Variants in GBF1 observed in about 807,000 individuals in gnomAD.
The protein encoded by GBF1 is golgi brefeldin A resistant guanine nucleotide exchange factor 1, also known as Golgi-specific brefeldin A-resistance guanine nucleotide exchange factor 1.
Under a neutral mutation model 210.5 loss-of-function variants are expected in GBF1, and 114 were observed. The observed-to-expected ratio is 0.54, with a 90% CI of 0.47 to 0.63. The LOEUF (loss-of-function observed/expected upper bound fraction) is 0.63. Ranked by LOEUF, GBF1 falls within the 30% of genes least tolerant of loss-of-function variation. GBF1 has a pLI of 0.00. For synonymous variants in GBF1, 850 were observed against 889.2 expected (o/e 0.96, Z 0.78); for missense variants, 1,851 against 2,357.7 (o/e 0.79, Z 4.45).
At chr10:102,242,928 CAAAAA>C (rs58301527), upstream of GBF1, among the ~76,000 whole-genome samples, 104 of 132,400 alleles carry the variant, frequency 7.9e-4, no homozygotes, top group Admixed American at 9.9e-4. Flanking sequence ...GACTCTGTCT[CAAAAA>C]AAAAAAAAAA....
chr10:102,363,400 G>A lies in GBF1; in HGVS notation c.2017+4G>A. 3 of 1,612,102 alleles carry A rather than the reference G, an allele frequency of 1.9e-6. No individual in the cohort carries two copies. The highest frequency in any genetic ancestry group is 2.5e-6 in the Non-Finnish European group (3 of 1,178,794). On this transcript the variant is annotated splice_donor_region_variant and intron_variant, in intron 16 of 39. Transcript: ENST00000369983. This position sits in a 1 kb window ranked among gnomAD's most constrained non-coding sequence, Gnocchi z 4.2. ...GAGGAAGCTGTTGACTCTGGGGGTG[G>A]GTACTGGGTGTCCATGACCCTAAGC...
chr10:102,249,692 CTTTTT>C (rs200423046), intron 1 of GBF1, among the ~76,000 whole-genome samples: 1 of 142,170 alleles, frequency 7.0e-6, no homozygotes, highest in Non-Finnish European at 1.5e-5. Context: ...GTTTCTCTGG[CTTTTT>C]TTTTTTTTTT....
chr10:102,368,165 G>C, intron 21 of GBF1, 53 bp from the exon 22 acceptor site: 1 of 1,170,460 alleles, frequency 8.5e-7, no homozygotes, highest in South Asian at 1.2e-5. Context: ...TCTTGGTTTG[G>C]AACTAGTCAG....
intron 1 of GBF1, among the ~76,000 whole-genome samples, chr10:102,255,635 A>G (rs957344539): frequency 6.6e-6 from 1 of 152,184 alleles, no homozygotes; most frequent in Admixed American, 6.5e-5. Context: ...AGAGACCTAG[A>G]GCATATTCAT....
chr10:102,370,397 T>C lies in GBF1; in HGVS notation c.3425T>C (p.Val1142Ala), dbSNP rs1201557102. 1.2e-6 allele frequency: 2 copies of C among 1,611,230 alleles called. No homozygotes were observed. The highest frequency in any genetic ancestry group is 1.7e-6 in the Non-Finnish European group (2 of 1,177,314). Residue 1142 changes from valine (V) to alanine (A), a missense_variant, in exon 28 of 40, where the codon GTG becomes GCG. Around this residue, in one of 3 missense-constraint regions of GBF1, gnomAD observed 967 missense variants for 1,247.7 expected, o/e 0.78. Transcript: ENST00000369983. ...GTTCCCCTTCAGGCTCTGGTCTCAG[T>C]GACACCAGATGAAGAGACATATGAT... The part of the protein sequence containing the change: ...LQELMKALVS[V>A]TPDEETYDEE...
At position 102,366,463 on chromosome 10, in the gene GBF1, C is replaced by T. The variant is rs1408775773; in HGVS notation, c.2390C>T (p.Pro797Leu). ...LEAFRLPGEA[P>L]VIQRLLEAFT... ...GCCTTCCGTTTGCCTGGGGAAGCAC[C>T]AGTCATCCAGAGGTTGCTGGAGGCA... Residue 797 changes from proline (P) to leucine (L), a missense_variant, in exon 19 of 40, where the codon CCA (proline) becomes CTA (leucine). Pro to Leu is a moderately conservative substitution (Grantham distance 98, BLOSUM62 -3). Transcript: ENST00000369983. This position sits in a 1 kb window ranked among gnomAD's most constrained non-coding sequence, Gnocchi z 4.0. 6.2e-7 allele frequency: 1 copy of T among 1,614,052 alleles called. No homozygotes were observed. Among genetic ancestry groups the T allele is most frequent in the East Asian group, 2.2e-5 (1 of 44,888 alleles).
At chr10:102,333,454 G>A (rs1375927565) in intron 3 of GBF1, among the ~76,000 whole-genome samples, 1 of 151,808 alleles carries the variant, frequency 6.6e-6, no homozygotes, top group Non-Finnish European at 1.5e-5. Flanking sequence ...ATTATTCTTT[G>A]GACCACTACC....
intron 3 of GBF1, among the ~76,000 whole-genome samples, chr10:102,260,815 TG>T (rs1415777070): frequency 6.6e-6 from 1 of 152,118 alleles, no homozygotes; most frequent in African/African-American, 2.4e-5. Flanking sequence ...AAGCCAGATT[TG>T]GCCCATGGGT....
Position 102,301,626 on chromosome 10 carries a change from G to C in GBF1, c.163+41510G>C, listed in dbSNP as rs541857481. Among the ~76,000 whole-genome samples, 32 of 151,292 alleles carry C rather than the reference G, an allele frequency of 2.1e-4. No individual in the cohort carries two copies. The East Asian group carries it at 6.1e-3, about 29-fold the overall frequency. ...CAGAGACGCTCCTCACCTCCCAGAC[G>C]GGGTCGCGGCCGGGCAGAGGCGCTC... On this transcript the variant is annotated intron_variant, in intron 3 of 39. Coordinates refer to ENST00000369983, the MANE Select transcript of GBF1 (RefSeq NM_001377137.1).
intron 33 of GBF1, 53 bp downstream of exon 33, chr10:102,377,193 C>A: frequency 1.4e-6 from 2 of 1,470,284 alleles, no homozygotes; most frequent in South Asian, 1.1e-5. Flanking sequence ...ATACTGGGAG[C>A]CTGGGGCGGC....
the GBF1 span, among the ~76,000 whole-genome samples, chr10:102,236,397 G>A: frequency 1.3e-5 from 2 of 152,208 alleles, no homozygotes; most frequent in African/African-American, 2.4e-5. Flanking sequence ...GGGGGCTGCC[G>A]GCCCCACCCC....
intron 1 of GBF1, among the ~76,000 whole-genome samples, chr10:102,255,953 A>G (rs1306907225): frequency 6.6e-6 from 1 of 152,098 alleles, no homozygotes; most frequent in Non-Finnish European, 1.5e-5. Context: ...ACACATTATT[A>G]TTATTATTTT....
chr10:102,380,794 G>A, intron 38 of GBF1, 108 bp downstream of exon 38: 1 of 949,218 alleles, frequency 1.1e-6, no homozygotes, highest in Non-Finnish European at 1.6e-6. Context: ...GATCACCCGA[G>A]GGCAGGAATT....
chr10:102,338,237 C>CTTTTT (rs398046214), intron 3 of GBF1, among the ~76,000 whole-genome samples: 1,904 of 114,092 alleles, frequency 0.017, 129 homozygotes, highest in African/African-American at 0.061. Flanking sequence ...CAACCTTCTT[C>CTTTTT]TTTTTTTTTT....
At chr10:102,317,892 ATTTATTTATT>A (rs935995501) in intron 3 of GBF1, among the ~76,000 whole-genome samples, 83 of 134,074 alleles carry the variant, frequency 6.2e-4, no homozygotes, top group African/African-American at 1.7e-3. Flanking sequence ...TTGGTTATTT[ATTTATTTATT>A]TTTATTTATT....
Position 102,351,246 on chromosome 10 carries a change from G to T in GBF1, c.296-10G>T, listed in dbSNP as rs180673138. 1 of 1,416,190 alleles carries T rather than the reference G, an allele frequency of 7.1e-7. No individual in the cohort carries two copies. The highest frequency in any genetic ancestry group is 1.0e-6 in the Non-Finnish European group (1 of 1,001,818). The allele number at this position is 1,416,190 out of a possible 1,614,324, so 87.7% of individuals were successfully genotyped here. A position where few individuals can be genotyped will look rare whatever the true frequency, so the allele number is the denominator to read the frequency against. On this transcript the variant is annotated splice_polypyrimidine_tract_variant and intron_variant, in intron 4 of 39. Transcript: ENST00000369983. ...CACATCACTTAATCTTTCCTTTTTC[G>T]CTGGAGCAGATCCCACCCATGAGGG...
At chr10:102,280,131 AGAG>A (rs925767057) in intron 3 of GBF1, among the ~76,000 whole-genome samples, 1 of 141,486 alleles carries the variant, frequency 7.1e-6, no homozygotes, top group African/African-American at 2.6e-5. Flanking sequence ...TTAAAAAAAA[AGAG>A]AGAGAGAGAG....
intron 10 of GBF1, 47 bp from the exon 11 acceptor site, chr10:102,359,220 G>T (rs1303829425): frequency 3.7e-6 from 5 of 1,359,516 alleles, no homozygotes; most frequent in Non-Finnish European, 5.3e-6. Flanking sequence ...GTTCCAAGTT[G>T]CTCTTGCCTC....
chr10:102,243,965 A>G (rs1206798130), upstream of GBF1, among the ~76,000 whole-genome samples: 1 of 152,110 alleles, frequency 6.6e-6, no homozygotes, highest in East Asian at 1.9e-4. Context: ...CCCCATCTCT[A>G]CTAAAAATAC....
Sources: allele counts gnomAD v4.1 joint callset (sites outside exome capture counted in the v4.1 genomes callset), GRCh38; gene constraint gnomAD v4.1.1; regional missense constraint gnomAD v4.1.1; non-coding constraint Gnocchi (gnomAD v3.1); transcripts MANE v1.5; gene names NCBI Gene and HGNC (gene_info 2026-07-23, HGNC 2026-07-21).